The following RERE variants were observed in gnomAD, a reference collection of about 807,000 sequenced individuals.
RERE encodes arginine-glutamic acid dipeptide repeats.
In RERE, 40 loss-of-function variants were observed where a neutral mutation model predicts 146.1. The ratio of observed to expected loss-of-function variants is 0.27; its 90% CI spans 0.21 to 0.36. The LOEUF is 0.36. Among genes scored for constraint, RERE ranks in the 10% least tolerant of loss-of-function variants. The probability of loss-of-function intolerance (pLI) is 1.00; values close to 1 mark genes in which losing one functional copy is unlikely to be tolerated. For missense variants in RERE, 1,933 were observed against 2,138.7 expected (o/e 0.90, Z 1.90); for synonymous variants, 1,003 against 866.0 (o/e 1.16, Z -2.78).
intron 2 of RERE, among the ~76,000 whole-genome samples, chr1:8,643,376 T>G (rs1647206737): frequency 6.6e-6 from 1 of 152,192 alleles, no homozygotes; most frequent in African/African-American, 2.4e-5. Context: ...TGGAACACAG[T>G]TTTTGAACAC....
chr1:8,787,830 C>A (rs1312071120), intron 1 of RERE, among the ~76,000 whole-genome samples: 435 of 117,746 alleles, frequency 3.7e-3, no homozygotes, highest in Admixed American at 4.3e-3. Context: ...GACTCTGCCT[C>A]AAAAAAAAAA....
chr1:8,773,902 G>A (rs943611955), intron 1 of RERE, among the ~76,000 whole-genome samples: 7 of 152,134 alleles, frequency 4.6e-5, no homozygotes, highest in Non-Finnish European at 1.0e-4. Context: ...CAATGAGAAG[G>A]GGAAATGTCA....
chr1:8,615,322 CAGAGCATAAAGTTCCAGA>C, intron 3 of RERE, among the ~76,000 whole-genome samples: 1 of 152,146 alleles, frequency 6.6e-6, no homozygotes, highest in Non-Finnish European at 1.5e-5. Flanking sequence ...TGAATAGGCA[CAGAGCATAAAGTTCCAGA>C]AAGACATTAC....
At chr1:8,743,302 A>G (rs1369844010) in intron 1 of RERE, among the ~76,000 whole-genome samples, 3 of 152,116 alleles carry the variant, frequency 2.0e-5, no homozygotes, top group Non-Finnish European at 4.4e-5. Context: ...TTTTTGAGAC[A>G]AAGTCTCACT....
At chr1:8,795,571 C>T (rs1423126899) in intron 1 of RERE, among the ~76,000 whole-genome samples, 1 of 152,102 alleles carries the variant, frequency 6.6e-6, no homozygotes, top group Non-Finnish European at 1.5e-5. Flanking sequence ...TACTTCAAGC[C>T]CATAGTTCAG....
chr1:8,772,577 C>T (rs956494635), intron 1 of RERE, among the ~76,000 whole-genome samples: 4 of 152,040 alleles, frequency 2.6e-5, no homozygotes, highest in Admixed American at 1.3e-4. Context: ...GAGTTCAAGA[C>T]TAGCCTAGCC....
intron 4 of RERE, among the ~76,000 whole-genome samples, chr1:8,592,277 T>A (rs1449955101): frequency 6.6e-6 from 1 of 152,084 alleles, no homozygotes; most frequent in Non-Finnish European, 1.5e-5. Flanking sequence ...TTTTTTTTTC[T>A]TTTTTAAAGA....
At chr1:8,778,813 CAA>C (rs34675707) in intron 1 of RERE, among the ~76,000 whole-genome samples, 4 of 135,126 alleles carry the variant, frequency 3.0e-5, no homozygotes, top group Admixed American at 1.5e-4. Flanking sequence ...CCTTGTCTCC[CAA>C]AAAAAAAAAA....
intron 7 of RERE, among the ~76,000 whole-genome samples, chr1:8,532,664 G>A (rs1175023325): frequency 2.6e-5 from 4 of 151,922 alleles, no homozygotes; most frequent in Non-Finnish European, 4.4e-5. Context: ...GCACAATCTC[G>A]GCTCACTGCA....
At chr1:8,359,305 C>G (rs964527011) in intron 19 of RERE, among the ~76,000 whole-genome samples, 5 of 152,206 alleles carry the variant, frequency 3.3e-5, no homozygotes, top group Non-Finnish European at 7.3e-5. Flanking sequence ...CTCCCCGCGA[C>G]AGCAGAGAGC....
chr1:8,520,072 A>G (rs912675468), intron 7 of RERE, among the ~76,000 whole-genome samples: 1 of 152,216 alleles, frequency 6.6e-6, no homozygotes, highest in Non-Finnish European at 1.5e-5. Flanking sequence ...AATAAAACTA[A>G]AAACAAATAC....
At chr1:8,776,286 T>C (rs1341277386) in intron 1 of RERE, among the ~76,000 whole-genome samples, 1 of 152,216 alleles carries the variant, frequency 6.6e-6, no homozygotes, top group Non-Finnish European at 1.5e-5. Flanking sequence ...ACCGGGTTAC[T>C]TTCTTCACTG....
At chr1:8,599,436 T>C (rs74050240) in intron 4 of RERE, among the ~76,000 whole-genome samples, 3,924 of 152,222 alleles carry the variant, frequency 0.026, 151 homozygotes, top group African/African-American at 0.089. Flanking sequence ...AATACTAAAC[T>C]GTTAAACACA....
intron 11 of RERE, among the ~76,000 whole-genome samples, chr1:8,447,881 G>T (rs1644341994): frequency 6.6e-6 from 1 of 152,184 alleles, no homozygotes; most frequent in South Asian, 2.1e-4. Flanking sequence ...CTCCTCACAG[G>T]GTAGTTCTGC....
intron 7 of RERE, among the ~76,000 whole-genome samples, chr1:8,533,331 C>A (rs1031738265): frequency 6.6e-6 from 1 of 152,142 alleles, no homozygotes; most frequent in African/African-American, 2.4e-5. Flanking sequence ...GCCTTTTACA[C>A]AGTCTCTTTC....
At chr1:8,412,149 C>G (rs1324384268) in intron 12 of RERE, among the ~76,000 whole-genome samples, 2 of 152,168 alleles carry the variant, frequency 1.3e-5, no homozygotes, top group Non-Finnish European at 2.9e-5. Context: ...ACAAAAGTTA[C>G]TATTAATATT....
chr1:8,464,741 T>C (rs915880015), intron 11 of RERE, among the ~76,000 whole-genome samples: 3 of 152,174 alleles, frequency 2.0e-5, no homozygotes, highest in African/African-American at 7.2e-5. Flanking sequence ...TAAATGTTAC[T>C]TACCAGGACT....
chr1:8,753,214 A>G (rs1408580715), intron 1 of RERE, among the ~76,000 whole-genome samples: 1 of 152,196 alleles, frequency 6.6e-6, no homozygotes, highest in Admixed American at 6.5e-5. Context: ...CGATAAAAGG[A>G]GGGAATAAAC....
chr1:8,423,453 G>T lies in RERE; in HGVS notation c.1204-646C>A. On this transcript the variant is annotated intron_variant, in intron 11 of 22. Transcript: ENST00000400908. The surrounding 1 kb of genome is among the most constrained non-coding windows in gnomAD (Gnocchi z 5.4). ...CCACTCGCCGCCCCCATCCATTTTC[G>T]CAGCAGACTCGTCCCTAACCCCAGC... is the stretch of plus-strand genomic sequence containing the variant. 3 of 787,758 alleles carry T rather than the reference G, an allele frequency of 3.8e-6. No individual in the cohort carries two copies. The highest frequency in any genetic ancestry group is 4.6e-6 in the Non-Finnish European group (3 of 649,648). The allele number at this position is 787,758 out of a possible 1,614,324, so 48.8% of individuals were successfully genotyped here.
Sources: allele counts gnomAD v4.1 joint callset (sites outside exome capture counted in the v4.1 genomes callset), GRCh38; gene constraint gnomAD v4.1.1; non-coding constraint Gnocchi (gnomAD v3.1); transcripts MANE v1.5; gene names NCBI Gene and HGNC (gene_info 2026-07-23, HGNC 2026-07-21).